CD47: variants seen among roughly 807,000 people sequenced by gnomAD.
The protein encoded by CD47 is CD47 molecule.
In CD47, 11 loss-of-function variants were observed where a neutral mutation model predicts 44.6. The ratio of observed to expected loss-of-function variants is 0.25; its 90% confidence interval spans 0.16 to 0.41. CD47 has a LOEUF of 0.41. Ranked by LOEUF, CD47 falls within the 10% of genes least tolerant of loss-of-function variation. CD47 has a pLI of 1.00. For synonymous variants in CD47, 140 were observed against 136.3 expected, an observed-to-expected ratio of 1.03 and a Z score of -0.19; for missense variants, 306 against 386.7, an observed-to-expected ratio of 0.79 and a Z score of 1.75.
intron 1 of CD47, among the ~76,000 whole-genome samples, chr3:108,089,978 G>A (rs569356523): frequency 2.0e-4 from 22 of 109,138 alleles, no homozygotes; most frequent in Non-Finnish European, 3.5e-4. Context: ...TTACAAAAGC[G>A]AAATGGATTC....
Position 108,091,013 on chromosome 3 carries a change from G to T in CD47, c.-105C>A. On this transcript the variant is annotated 5_prime_UTR_variant, in exon 1 of 11. Transcript: ENST00000361309. ...GACCGCCGCCGCGCGTCACAGGCAG[G>T]ACCCACTGCCCAGGCTGCACGGCCG... 1 of 739,830 alleles carries T rather than the reference G, an allele frequency of 1.4e-6. No individual in the cohort carries two copies. Among genetic ancestry groups the T allele is most frequent in the Middle Eastern group, 4.4e-4 (1 of 2,264 alleles). 45.8% of individuals were successfully genotyped at this position (739,830 alleles called of 1,614,324 possible).
At chr3:108,054,923 C>A (rs1037783057) in intron 7 of CD47, among the ~76,000 whole-genome samples, 4 of 152,084 alleles carry the variant, frequency 2.6e-5, no homozygotes, top group Non-Finnish European at 4.4e-5. Context: ...AAGTATTGAT[C>A]CTTATAATTA....
chr3:108,056,790 G>T (rs1482575937), intron 7 of CD47, among the ~76,000 whole-genome samples: 1 of 152,084 alleles, frequency 6.6e-6, no homozygotes, highest in Non-Finnish European at 1.5e-5. Flanking sequence ...ATGCAGAAAT[G>T]TTACTTGAAA....
rs146476512 is a variant in CD47 at position 108,048,371 on chromosome 3, GTTTTTTTT to G, written c.968-1087_968-1080del. On this transcript the variant is annotated intron_variant, in intron 10 of 10. Transcript: ENST00000361309. The stretch of plus-strand genomic sequence containing the variant: ...TTGTTCACCAATGCATGACTGGAGT[GTTTTTTTT>G]TTTTTTTTTTTTTTTTTTTTCTTGA... 6.4e-3 allele frequency among the ~76,000 whole-genome samples: 510 copies of G among 79,598 alleles called. 3 individuals carry two copies. Among genetic ancestry groups the G allele is most frequent in the African/African-American group, 0.023 (464 of 19,942 alleles). 52.2% of individuals were successfully genotyped at this position (79,598 alleles called of 152,430 possible).
intron 3 of CD47, among the ~76,000 whole-genome samples, chr3:108,062,044 C>A (rs917741806): frequency 1.3e-5 from 2 of 152,020 alleles, no homozygotes; most frequent in Non-Finnish European, 2.9e-5. Flanking sequence ...CAATTTTAGT[C>A]TCTTTATGGG....
intron 2 of CD47, among the ~76,000 whole-genome samples, chr3:108,076,979 T>C (rs7623277): frequency 1.3e-5 from 2 of 152,094 alleles, no homozygotes; most frequent in African/African-American, 4.8e-5. Flanking sequence ...GAAAACAGCT[T>C]TCTAATTTCA....
At chr3:108,090,761 C>T in intron 1 of CD47, 102 bp downstream of exon 1, 2 of 1,103,430 alleles carry the variant, frequency 1.8e-6, no homozygotes, top group Non-Finnish European at 2.4e-6. Flanking sequence ...TGCGCCCCGG[C>T]CACCCTCTTC....
At chr3:108,058,222 C>T (rs1037109459) in intron 6 of CD47, 115 bp downstream of exon 6, 19 of 577,410 alleles carry the variant, frequency 3.3e-5, no homozygotes, top group African/African-American at 2.6e-4. Context: ...AAAAACTGCA[C>T]TAAAAAAAAA....
chr3:108,050,518 T>C, intron 9 of CD47, 60 bp downstream of exon 9: 4 of 784,066 alleles, frequency 5.1e-6, no homozygotes, highest in Non-Finnish European at 8.6e-6. Flanking sequence ...ATTCTAACTG[T>C]TTTGCGGGCC....
At chr3:108,075,353 T>C (rs1235432019) in intron 2 of CD47, among the ~76,000 whole-genome samples, 2 of 152,108 alleles carry the variant, frequency 1.3e-5, no homozygotes, top group East Asian at 3.8e-4. Context: ...CTTATCACTG[T>C]ACAAAAATGA....
chr3:108,076,336 T>C (rs2079310897), intron 2 of CD47, among the ~76,000 whole-genome samples: 1 of 152,218 alleles, frequency 6.6e-6, no homozygotes, highest in Non-Finnish European at 1.5e-5. Flanking sequence ...GAACTGACCT[T>C]TCTAAACAAA....
chr3:108,052,507 C>G (rs1318622950), intron 7 of CD47: 1 of 153,562 alleles, frequency 6.5e-6, no homozygotes, highest in African/African-American at 2.4e-5. Context: ...ATTCCTCTAT[C>G]TATTTCTTCT....
chr3:108,086,833 G>T (rs1397772680), intron 1 of CD47, among the ~76,000 whole-genome samples: 1 of 152,164 alleles, frequency 6.6e-6, no homozygotes, highest in Admixed American at 6.5e-5. Context: ...ATGCAAGACT[G>T]AAGAATTATG....
chr3:108,062,105 T>TAC (rs2079025534), intron 3 of CD47, among the ~76,000 whole-genome samples: 1 of 152,068 alleles, frequency 6.6e-6, no homozygotes, highest in African/African-American at 2.4e-5. Flanking sequence ...GGATTTCAGT[T>TAC]ACACAGTTGA....
chr3:108,060,373 G>A (rs952042563), intron 4 of CD47, among the ~76,000 whole-genome samples: 1 of 152,208 alleles, frequency 6.6e-6, no homozygotes, highest in Non-Finnish European at 1.5e-5. Flanking sequence ...GAGAGAGGCT[G>A]AGGGAGATTT....
At position 108,043,409 on chromosome 3, in the gene CD47, C is replaced by G. The variant is rs2078660383; in HGVS notation, c.*3879G>C. 1 of 151,034 alleles carries G rather than the reference C, an allele frequency of 6.6e-6. No homozygotes were observed. The highest frequency in any genetic ancestry group is 1.5e-5 in the Non-Finnish European group (1 of 67,772). 9.4% of individuals were successfully genotyped at this position (151,034 alleles called of 1,614,324 possible). On this transcript the variant is annotated 3_prime_UTR_variant, in exon 11 of 11. Coordinates refer to ENST00000361309, the MANE Select transcript of CD47 (RefSeq NM_001777.4). ...TGGCAAAGATTGCAGATATTCAAAG[C>G]TTTAAACAGTGATAAATTGATTTAA...
chr3:108,082,854 T>C (rs769713193), intron 1 of CD47, among the ~76,000 whole-genome samples: 4 of 152,010 alleles, frequency 2.6e-5, no homozygotes, highest in Non-Finnish European at 5.9e-5. Flanking sequence ...AACAGTAAAA[T>C]TGACCTGGAT....
intron 6 of CD47, among the ~76,000 whole-genome samples, chr3:108,057,824 C>T (rs2078937119): frequency 1.3e-5 from 2 of 152,078 alleles, no homozygotes; most frequent in South Asian, 4.1e-4. Context: ...CCAATTTGAG[C>T]CCAGTTATTT....
chr3:108,066,208 C>G (rs574932837), intron 3 of CD47, among the ~76,000 whole-genome samples: 5 of 151,532 alleles, frequency 3.3e-5, no homozygotes, highest in African/African-American at 1.2e-4. Flanking sequence ...TGAGCCGTAA[C>G]CAAAATCTCT....
Sources: gnomAD v4.1 joint callset for allele counts (sites outside exome capture counted in the v4.1 genomes callset) on GRCh38, gnomAD v4.1.1 for gene constraint, MANE v1.5 for transcripts, NCBI Gene and HGNC (gene_info 2026-07-23, HGNC 2026-07-21) for gene names.